The following MNAT1 variants were observed in gnomAD, a reference collection of about 807,000 sequenced individuals.
The protein encoded by MNAT1 is CDK-activating kinase assembly factor MAT1.
A neutral mutation model predicts 42.0 loss-of-function variants in MNAT1; 43 were observed. The ratio of observed to expected loss-of-function variants is 1.02; its 90% CI spans 0.80 to 1.32. MNAT1 has a LOEUF of 1.32. MNAT1 is among the 40% of genes most tolerant of loss of function. The pLI is 0.00. For missense variants in MNAT1, 306 were observed against 350.4 expected (o/e 0.87, Z 1.01); for synonymous variants, 118 against 120.0 (o/e 0.98, Z 0.11).
intron 6 of MNAT1, among the ~76,000 whole-genome samples, chr14:60,831,734 A>C: frequency 6.6e-6 from 1 of 152,182 alleles, no homozygotes; most frequent in East Asian, 1.9e-4. Context: ...CTGATTCTAG[A>C]TCCTTGAGGA....
At chr14:60,771,497 G>A (rs1374216831) in intron 1 of MNAT1, among the ~76,000 whole-genome samples, 1 of 152,134 alleles carries the variant, frequency 6.6e-6, no homozygotes, top group African/African-American at 2.4e-5. Flanking sequence ...GGCCAAGAAT[G>A]AGCCTTAAAA....
intron 6 of MNAT1, among the ~76,000 whole-genome samples, chr14:60,852,860 G>T (rs1050403143): frequency 3.9e-5 from 6 of 152,136 alleles, no homozygotes; most frequent in African/African-American, 1.4e-4. Flanking sequence ...GGTTGTAGAT[G>T]TGTGGTGCTA....
chr14:60,846,567 A>G (rs1458368085), intron 6 of MNAT1, among the ~76,000 whole-genome samples: 2 of 152,160 alleles, frequency 1.3e-5, no homozygotes, highest in African/African-American at 4.8e-5. Context: ...ATACCTCTAC[A>G]TACTGCTTTT....
At chr14:60,786,600 C>CTATT (rs1377954326) in intron 1 of MNAT1, among the ~76,000 whole-genome samples, 2 of 152,066 alleles carry the variant, frequency 1.3e-5, no homozygotes, top group Non-Finnish European at 2.9e-5. Flanking sequence ...AATTATAAAC[C>CTATT]TATTACATGT....
At chr14:60,805,092 A>G (rs2032325703) in intron 3 of MNAT1, among the ~76,000 whole-genome samples, 1 of 152,208 alleles carries the variant, frequency 6.6e-6, no homozygotes, top group South Asian at 2.1e-4. Flanking sequence ...CAGTAATTAT[A>G]AAGGTTATTT....
At chr14:60,891,053 A>G (rs2034832602) in intron 7 of MNAT1, among the ~76,000 whole-genome samples, 1 of 152,192 alleles carries the variant, frequency 6.6e-6, no homozygotes, top group Non-Finnish European at 1.5e-5. Flanking sequence ...TGTTTCATCT[A>G]GGTTACCCAG....
intron 6 of MNAT1, among the ~76,000 whole-genome samples, chr14:60,834,093 CT>C (rs926820293): frequency 1.3e-5 from 2 of 152,154 alleles, no homozygotes; most frequent in East Asian, 1.9e-4. Context: ...AATGGTCTAT[CT>C]TTTTCGTTAA....
intron 1 of MNAT1, among the ~76,000 whole-genome samples, chr14:60,762,879 A>G (rs1353807373): frequency 6.6e-6 from 1 of 152,152 alleles, no homozygotes; most frequent in South Asian, 2.1e-4. Context: ...GTAAATTTAT[A>G]TAAACAAAAT....
intron 7 of MNAT1, among the ~76,000 whole-genome samples, chr14:60,958,959 C>T (rs986572302): frequency 2.6e-5 from 4 of 152,242 alleles, no homozygotes; most frequent in African/African-American, 7.2e-5. Context: ...TACTCTGTTA[C>T]TTTGGCTGTA....
At chr14:60,899,787 A>T (rs2035034617) in intron 7 of MNAT1, among the ~76,000 whole-genome samples, 1 of 152,132 alleles carries the variant, frequency 6.6e-6, no homozygotes, top group Non-Finnish European at 1.5e-5. Context: ...ATTTCGTTTT[A>T]TTACTTTTTG....
chr14:60,739,895 T>C (rs1896414978), intron 1 of MNAT1, among the ~76,000 whole-genome samples: 1 of 152,264 alleles, frequency 6.6e-6, no homozygotes, highest in Admixed American at 6.5e-5. Flanking sequence ...GGCTTACGCC[T>C]GTAATCCCAG....
intron 7 of MNAT1, among the ~76,000 whole-genome samples, chr14:60,957,046 T>G (rs1432783458): frequency 1.3e-5 from 2 of 152,194 alleles, no homozygotes; most frequent in Non-Finnish European, 2.9e-5. Context: ...GTTGTAGTTA[T>G]TTGGTTGTTT....
chr14:60,945,354 G>GA (rs1013422120), intron 7 of MNAT1, among the ~76,000 whole-genome samples: 65 of 146,042 alleles, frequency 4.5e-4, no homozygotes, highest in African/African-American at 7.5e-4. Flanking sequence ...CCCTTTGCCA[G>GA]AAAAAAAAAA....
At chr14:60,759,641 A>G (rs2030512348) in intron 1 of MNAT1, among the ~76,000 whole-genome samples, 1 of 152,218 alleles carries the variant, frequency 6.6e-6, no homozygotes, top group African/African-American at 2.4e-5. Context: ...AGGTATACCA[A>G]TAACCTTCTC....
At chr14:60,752,039 A>G (rs985789707) in intron 1 of MNAT1, among the ~76,000 whole-genome samples, 1 of 152,200 alleles carries the variant, frequency 6.6e-6, no homozygotes, top group African/African-American at 2.4e-5. Flanking sequence ...CCAATATTAG[A>G]TATAATTTCT....
intron 6 of MNAT1, among the ~76,000 whole-genome samples, chr14:60,835,196 CTT>C (rs1185261282): frequency 2.0e-5 from 3 of 152,066 alleles, no homozygotes; most frequent in African/African-American, 7.3e-5. Flanking sequence ...GTTCTTGACT[CTT>C]TATCCAATTT....
chr14:60,874,638 C>T (rs1403665377), intron 6 of MNAT1, among the ~76,000 whole-genome samples: 1 of 151,864 alleles, frequency 6.6e-6, no homozygotes, highest in African/African-American at 2.4e-5. Flanking sequence ...TATACCATAC[C>T]ATTTGGCACC....
chr14:60,893,208 A>G (rs1214415231), intron 7 of MNAT1, among the ~76,000 whole-genome samples: 3 of 151,272 alleles, frequency 2.0e-5, no homozygotes, highest in Non-Finnish European at 4.4e-5. Flanking sequence ...TTATTCTTCT[A>G]TTTTGCCCAT....
intron 6 of MNAT1, among the ~76,000 whole-genome samples, chr14:60,857,606 C>T (rs1303309056): frequency 3.9e-5 from 6 of 152,028 alleles, no homozygotes; most frequent in Non-Finnish European, 5.9e-5. Context: ...TTAAGTTCTG[C>T]GGTACATTTG....
Sources: gnomAD v4.1 joint callset for allele counts (sites outside exome capture counted in the v4.1 genomes callset) on GRCh38, gnomAD v4.1.1 for gene constraint, MANE v1.5 for transcripts, NCBI Gene and HGNC (gene_info 2026-07-23, HGNC 2026-07-21) for gene names.